The following ACOXL variants were observed in gnomAD, a reference collection of about 807,000 sequenced individuals.
The protein encoded by ACOXL is acyl-coenzyme A oxidase-like protein.
Under a neutral mutation model 71.9 loss-of-function variants are expected in ACOXL, and 70 were observed. The ratio of observed to expected loss-of-function variants is 0.97; its 90% confidence interval spans 0.80 to 1.19. The LOEUF is 1.19. Among genes scored for constraint, ACOXL ranks in the 50% most tolerant of loss-of-function variants. The pLI is 0.00. For missense variants in ACOXL, 703 were observed against 736.3 expected (o/e 0.95, Z 0.52); for synonymous variants, 253 against 281.6 (o/e 0.90, Z 1.02).
Position 110,780,497 on chromosome 2 carries a change from TTA to T in ACOXL, c.76-4233_76-4232del, listed in dbSNP as rs533280381. On this transcript the variant is annotated intron_variant, in intron 2 of 17. Transcript: ENST00000439055. ...CCCAAAAAGGTTTGTACACAAATGT[TTA>T]TGTCAACTTTGTTCATAAGAGCCTG... Among the ~76,000 whole-genome samples the T allele has an allele frequency of 3.8e-3, 581 of 152,322 alleles. 2 individuals are homozygous for T. Among genetic ancestry groups the T allele is most frequent in the African/African-American group, 0.012 (507 of 41,556 alleles).
chr2:110,908,767 C>T (rs780845837), intron 10 of ACOXL, 22 bp from the exon 11 acceptor site: 12 of 1,590,214 alleles, frequency 7.5e-6, no homozygotes, highest in East Asian at 2.2e-5. Flanking sequence ...TGGTAAAAAT[C>T]GTGTCTGTTG....
intron 11 of ACOXL, among the ~76,000 whole-genome samples, chr2:110,915,156 C>T (rs957442772): frequency 1.3e-5 from 2 of 151,458 alleles, no homozygotes; most frequent in East Asian, 1.9e-4. Flanking sequence ...GAGGAAATTC[C>T]CTTCAATTCC....
intron 9 of ACOXL, among the ~76,000 whole-genome samples, chr2:110,809,242 C>T (rs776546895): frequency 2.6e-5 from 4 of 152,236 alleles, no homozygotes; most frequent in African/African-American, 4.8e-5. Context: ...TGTACACACT[C>T]GTGCATTGTG....
intron 9 of ACOXL, among the ~76,000 whole-genome samples, chr2:110,828,514 A>G (rs554356552): frequency 3.3e-5 from 5 of 152,368 alleles, no homozygotes; most frequent in Admixed American, 6.5e-5. Context: ...GGCATTGACA[A>G]TCGCCAGGCT....
At chr2:110,900,469 G>C (rs1352895192) in intron 10 of ACOXL, among the ~76,000 whole-genome samples, 2 of 152,156 alleles carry the variant, frequency 1.3e-5, no homozygotes, top group African/African-American at 4.8e-5. Flanking sequence ...CTCATTATCA[G>C]CCCCAGTTAA....
Position 110,854,420 on chromosome 2 carries a change from A to G in ACOXL, c.788+13015A>G, listed in dbSNP as rs188670170. 1.2e-3 allele frequency among the ~76,000 whole-genome samples: 190 copies of G among 152,282 alleles called. 2 individuals carry two copies. The highest frequency in any genetic ancestry group is 4.0e-3 in the African/African-American group (165 of 41,558). ...CAAACTCAGGCCTCTGACTCCCAGCAGAAGACTTTTCCCCAAAGTGTGTCA... is the reference window on the plus strand; with the variant it reads ...CAAACTCAGGCCTCTGACTCCCAGCGGAAGACTTTTCCCCAAAGTGTGTCA... On this transcript the variant is annotated intron_variant, in intron 10 of 17. Transcript: ENST00000439055.
intron 9 of ACOXL, among the ~76,000 whole-genome samples, chr2:110,822,429 G>A (rs760063471): frequency 6.6e-6 from 1 of 151,938 alleles, no homozygotes; most frequent in African/African-American, 2.4e-5. Flanking sequence ...CACGTATGCC[G>A]GTTTCTGTAT....
chr2:110,945,085 T>A (rs1190696493), intron 12 of ACOXL, among the ~76,000 whole-genome samples: 2 of 152,240 alleles, frequency 1.3e-5, no homozygotes, highest in Non-Finnish European at 2.9e-5. Context: ...AATTTGCATT[T>A]CTCTAATGAT....
chr2:110,954,108 C>T (rs2061420219), intron 12 of ACOXL, among the ~76,000 whole-genome samples: 1 of 152,148 alleles, frequency 6.6e-6, no homozygotes, highest in African/African-American at 2.4e-5. Context: ...GAGTATTTGA[C>T]CTTTATGTAG....
intron 16 of ACOXL, 113 bp from the exon 17 acceptor site, chr2:111,092,752 T>G (rs1261512851): frequency 1.3e-6 from 1 of 764,082 alleles, no homozygotes; most frequent in Non-Finnish European, 2.2e-6. Context: ...AGTATTAACT[T>G]TTACGATTTT....
intron 9 of ACOXL, among the ~76,000 whole-genome samples, chr2:110,818,461 A>G (rs1490953100): frequency 2.2e-4 from 33 of 147,026 alleles, no homozygotes; most frequent in African/African-American, 7.6e-4. Context: ...GTATATATAT[A>G]TATATGTATA....
chr2:110,839,206 T>C (rs1462969301), intron 9 of ACOXL, among the ~76,000 whole-genome samples: 3 of 151,970 alleles, frequency 2.0e-5, no homozygotes, highest in Non-Finnish European at 4.4e-5. Flanking sequence ...CTTTCAACTG[T>C]GGAAAAGCCA....
chr2:110,891,558 G>A (rs1045926645), intron 10 of ACOXL, among the ~76,000 whole-genome samples: 1 of 151,516 alleles, frequency 6.6e-6, no homozygotes, highest in Non-Finnish European at 1.5e-5. Flanking sequence ...GGTAAGGTGG[G>A]GAGTGTAATA....
At chr2:110,856,635 C>T (rs762707031) in intron 10 of ACOXL, among the ~76,000 whole-genome samples, 4 of 152,178 alleles carry the variant, frequency 2.6e-5, no homozygotes, top group Admixed American at 6.5e-5. Flanking sequence ...TGCTGTCACA[C>T]CTCAAATTGT....
intron 16 of ACOXL, among the ~76,000 whole-genome samples, chr2:111,075,804 T>C (rs1033325964): frequency 3.3e-5 from 5 of 152,142 alleles, no homozygotes; most frequent in Non-Finnish European, 7.4e-5. Flanking sequence ...TGAGACTTCC[T>C]CCTTGACCCA....
At chr2:111,022,823 G>A (rs963919260) in intron 14 of ACOXL, among the ~76,000 whole-genome samples, 2 of 152,136 alleles carry the variant, frequency 1.3e-5, no homozygotes, top group African/African-American at 2.4e-5. Flanking sequence ...GGCCACTGGC[G>A]ACACTTACTA....
At chr2:110,951,000 A>T (rs1444644132) in intron 12 of ACOXL, among the ~76,000 whole-genome samples, 2 of 151,888 alleles carry the variant, frequency 1.3e-5, no homozygotes, top group Non-Finnish European at 2.9e-5. Flanking sequence ...GTCCATTTGG[A>T]ATTTATAGCA....
chr2:110,908,915 C>T lies in ACOXL; in HGVS notation c.905+10C>T. On this transcript the variant is annotated intron_variant, in intron 11 of 17. Coordinates refer to ENST00000439055, the MANE Select transcript of ACOXL (RefSeq NM_001142807.4). ...TGACCTTCGTCAGCAGGTGAGATGG[C>T]TCTCAGGGTTTGCTCTCTTAGGGTA... 1 of 1,607,256 alleles carries T rather than the reference C, an allele frequency of 6.2e-7. No homozygotes were observed. Among genetic ancestry groups the T allele is most frequent in the East Asian group, 2.2e-5 (1 of 44,800 alleles).
chr2:110,757,990 C>T (rs1331774254), intron 1 of ACOXL, among the ~76,000 whole-genome samples: 1 of 152,004 alleles, frequency 6.6e-6, no homozygotes, highest in East Asian at 1.9e-4. Context: ...GAATGATATT[C>T]CCTAGATTTT....
Sources: gnomAD v4.1 joint callset for allele counts (sites outside exome capture counted in the v4.1 genomes callset) on GRCh38, gnomAD v4.1.1 for gene constraint, MANE v1.5 for transcripts, NCBI Gene and HGNC (gene_info 2026-07-23, HGNC 2026-07-21) for gene names.